The following IFT80 variants were observed in gnomAD, a reference collection of about 807,000 sequenced individuals.
IFT80 encodes intraflagellar transport 80.
In IFT80, 79 loss-of-function variants were observed where a neutral mutation model predicts 107.9. The observed-to-expected ratio is 0.73, with a 90% CI of 0.61 to 0.88. IFT80 has a LOEUF of 0.88. IFT80 is among the 40% of genes least tolerant of loss of function. The pLI, the probability that IFT80 is intolerant of heterozygous loss-of-function variation, is 0.00. For synonymous variants in IFT80, 299 were observed against 300.9 expected, an observed-to-expected ratio of 0.99 and a Z score of 0.07; for missense variants, 797 against 914.2, an observed-to-expected ratio of 0.87 and a Z score of 1.65.
chr3:160,273,697 A>G (rs182726641), intron 18 of IFT80, among the ~76,000 whole-genome samples: 109 of 152,302 alleles, frequency 7.2e-4, no homozygotes, highest in African/African-American at 2.4e-3. Flanking sequence ...GGAGAATTGA[A>G]TTCTGGAAGC....
intron 19 of IFT80, among the ~76,000 whole-genome samples, chr3:160,266,508 C>A (rs957015801): frequency 9.9e-5 from 15 of 152,052 alleles, no homozygotes; most frequent in Non-Finnish European, 2.1e-4. Context: ...CTACCTCTCC[C>A]AAGTAGCTGG....
At chr3:160,289,161 C>T (rs552151178) in intron 12 of IFT80, among the ~76,000 whole-genome samples, 2 of 152,120 alleles carry the variant, frequency 1.3e-5, no homozygotes, top group South Asian at 4.1e-4. Flanking sequence ...TTTGTGGGAA[C>T]GTTGATGGAG....
chr3:160,340,225 G>A (rs1325440854), intron 8 of IFT80, among the ~76,000 whole-genome samples: 1 of 152,076 alleles, frequency 6.6e-6, no homozygotes, highest in Non-Finnish European at 1.5e-5. Flanking sequence ...TAAGAAGAAG[G>A]TGAAATCCTC....
chr3:160,381,906 G>T (rs767003259), intron 2 of IFT80, among the ~76,000 whole-genome samples, 182 bp from the exon 3 acceptor site: 3 of 152,010 alleles, frequency 2.0e-5, no homozygotes, highest in Admixed American at 6.6e-5. Flanking sequence ...TCTATTAAAA[G>T]AATTGTAAAA....
chr3:160,382,816 T>C (rs1712627254), intron 2 of IFT80, among the ~76,000 whole-genome samples: 1 of 152,172 alleles, frequency 6.6e-6, no homozygotes, highest in African/African-American at 2.4e-5. Context: ...TGTTCCAAGA[T>C]TTTTTAATAC....
At chr3:160,335,207 C>T (rs1719374624) in intron 8 of IFT80, among the ~76,000 whole-genome samples, 2 of 149,816 alleles carry the variant, frequency 1.3e-5, no homozygotes, top group Non-Finnish European at 3.0e-5. Context: ...AAACTCGGTT[C>T]GGCAGAAAAA....
chr3:160,302,967 G>C (rs1454573174), intron 11 of IFT80, among the ~76,000 whole-genome samples: 2 of 152,104 alleles, frequency 1.3e-5, no homozygotes, highest in Non-Finnish European at 2.9e-5. Flanking sequence ...TGTGCTTTTA[G>C]TTTTCTCCAT....
chr3:160,258,944 C>G (rs1466740355), intron 19 of IFT80, among the ~76,000 whole-genome samples: 2 of 151,494 alleles, frequency 1.3e-5, no homozygotes, highest in African/African-American at 4.9e-5. Flanking sequence ...AAAATAAATA[C>G]AAAAAATAAA....
chr3:160,322,646 CCA>C (rs1352067520), intron 8 of IFT80, among the ~76,000 whole-genome samples: 1 of 152,014 alleles, frequency 6.6e-6, no homozygotes, highest in Non-Finnish European at 1.5e-5. Flanking sequence ...GTTTACAGTC[CCA>C]CCAACAGTGT....
intron 9 of IFT80, among the ~76,000 whole-genome samples, chr3:160,308,064 T>TA (rs1716956961): frequency 6.6e-6 from 1 of 152,118 alleles, no homozygotes; most frequent in East Asian, 1.9e-4. Context: ...TGGAGTGATA[T>TA]AAAAAATATT....
intron 12 of IFT80, among the ~76,000 whole-genome samples, chr3:160,298,584 C>T (rs530621208): frequency 1.3e-5 from 2 of 152,034 alleles, no homozygotes; most frequent in East Asian, 1.9e-4. Flanking sequence ...TGAATTAACT[C>T]CAGAAAATTT....
intron 12 of IFT80, among the ~76,000 whole-genome samples, chr3:160,296,278 C>CTATA (rs1399582264): frequency 6.6e-6 from 1 of 152,088 alleles, no homozygotes; most frequent in Admixed American, 6.5e-5. Flanking sequence ...TAAAATTTCA[C>CTATA]TATATAAAAA....
At chr3:160,259,360 TCTGGTTACCAAGC>T (rs1712627165) in intron 19 of IFT80, among the ~76,000 whole-genome samples, 1 of 152,136 alleles carries the variant, frequency 6.6e-6, no homozygotes, top group Non-Finnish European at 1.5e-5. Flanking sequence ...TGGACCGGAC[TCTGGTTACCAAGC>T]CATTTTTCAA....
intron 7 of IFT80, 130 bp from the exon 8 acceptor site, chr3:160,356,280 T>G (rs1721081864): frequency 1.4e-6 from 1 of 725,138 alleles, no homozygotes; most frequent in Admixed American, 3.0e-5. Flanking sequence ...TGTCTTCCAG[T>G]AAGGTAGTAA....
intron 9 of IFT80, among the ~76,000 whole-genome samples, chr3:160,318,293 T>C (rs1438553992): frequency 6.6e-6 from 1 of 151,952 alleles, no homozygotes; most frequent in African/African-American, 2.4e-5. Flanking sequence ...AGTAATCTAG[T>C]GACAATATTA....
intron 19 of IFT80, among the ~76,000 whole-genome samples, chr3:160,264,277 T>C (rs898627474): frequency 2.1e-5 from 3 of 141,078 alleles, no homozygotes; most frequent in African/African-American, 7.9e-5. Context: ...GCCCAGTTAC[T>C]TTTTTTTTTT....
At chr3:160,311,416 A>T (rs921335760) in intron 9 of IFT80, among the ~76,000 whole-genome samples, 1 of 152,236 alleles carries the variant, frequency 6.6e-6, no homozygotes, top group African/African-American at 2.4e-5. Context: ...GACGTTAGGA[A>T]AAGACTGGGG....
intron 9 of IFT80, among the ~76,000 whole-genome samples, chr3:160,312,668 A>AT: frequency 3.3e-5 from 1 of 30,438 alleles, no homozygotes; most frequent in Non-Finnish European, 5.6e-5. Flanking sequence ...TATAATATAT[A>AT]ATATATATAA....
At chr3:160,299,567 C>G (rs559318479) in intron 12 of IFT80, among the ~76,000 whole-genome samples, 2 of 152,236 alleles carry the variant, frequency 1.3e-5, no homozygotes, top group South Asian at 4.1e-4. Flanking sequence ...ACCTCACTGG[C>G]TCCTCTTCCT....
Sources: gnomAD v4.1 joint callset for allele counts (sites outside exome capture counted in the v4.1 genomes callset) on GRCh38, gnomAD v4.1.1 for gene constraint, MANE v1.5 for transcripts, NCBI Gene and HGNC (gene_info 2026-07-23, HGNC 2026-07-21) for gene names.